MARCHF1: variants seen among roughly 807,000 people sequenced by gnomAD.
MARCHF1 encodes the protein E3 ubiquitin-protein ligase MARCHF1.
In MARCHF1, 40 loss-of-function variants were observed where a neutral mutation model predicts 54.2. That is an observed-to-expected ratio of 0.74 (90% CI 0.57 to 0.96). The LOEUF is 0.96. Ranked by LOEUF, MARCHF1 falls within the 40% of genes least tolerant of loss-of-function variation. The probability of loss-of-function intolerance (pLI) is 0.00; values close to 1 mark genes in which losing one functional copy is unlikely to be tolerated. For missense variants in MARCHF1, 586 were observed against 656.5 expected (o/e 0.89, Z 1.17); for synonymous variants, 236 against 236.3 (o/e 1.00, Z 0.01).
chr4:163,592,380 A>C (rs948136864), intron 7 of MARCHF1, among the ~76,000 whole-genome samples: 12 of 152,182 alleles, frequency 7.9e-5, no homozygotes, highest in Admixed American at 7.2e-4. Context: ...GTCACCACTG[A>C]CTTGGTCAAA....
At chr4:164,122,248 TAGCC>T (rs1480482094) in intron 1 of MARCHF1, among the ~76,000 whole-genome samples, 3 of 152,132 alleles carry the variant, frequency 2.0e-5, no homozygotes, top group African/African-American at 7.2e-5. Flanking sequence ...AACATTTACT[TAGCC>T]AGATAGTGAG....
intron 2 of MARCHF1, among the ~76,000 whole-genome samples, chr4:164,096,336 A>G (rs780249133): frequency 1.3e-5 from 2 of 152,112 alleles, no homozygotes; most frequent in Non-Finnish European, 2.9e-5. Flanking sequence ...AATATTGCAC[A>G]TTCCCACTTA....
chr4:164,027,654 A>G (rs1334287791), intron 2 of MARCHF1, among the ~76,000 whole-genome samples: 1 of 152,140 alleles, frequency 6.6e-6, no homozygotes, highest in Non-Finnish European at 1.5e-5. Flanking sequence ...ATCCTAGAAG[A>G]AAACCTAGGA....
intron 1 of MARCHF1, among the ~76,000 whole-genome samples, chr4:164,316,348 G>A (rs1181302464): frequency 6.6e-6 from 1 of 152,136 alleles, no homozygotes; most frequent in African/African-American, 2.4e-5. Flanking sequence ...AGCAATGAAA[G>A]GCAGATTCTG....
At chr4:163,747,569 G>A (rs988624946) in intron 4 of MARCHF1, among the ~76,000 whole-genome samples, 3 of 152,090 alleles carry the variant, frequency 2.0e-5, no homozygotes, top group Non-Finnish European at 4.4e-5. Flanking sequence ...CATAAATGAC[G>A]GGATTGAATA....
intron 2 of MARCHF1, among the ~76,000 whole-genome samples, chr4:164,010,823 A>G (rs1165946918): frequency 6.6e-6 from 1 of 152,188 alleles, no homozygotes; most frequent in East Asian, 1.9e-4. Context: ...CCAGAGCAAA[A>G]ATAACAAACT....
rs77283761 is a variant in MARCHF1, at chr4:163,603,718, C to T, written c.1010+8553G>A. On this transcript the variant is annotated intron_variant, in intron 7 of 9. Transcript: ENST00000514618. Reference sequence around the variant, plus strand: ...AATGGAAACTTTTAAAATCTGTAGACCTGCACATATCCACATTTATCATTT... The same window carrying T: ...AATGGAAACTTTTAAAATCTGTAGATCTGCACATATCCACATTTATCATTT... Among the ~76,000 whole-genome samples, 385 of 152,152 alleles carry T rather than the reference C, an allele frequency of 2.5e-3. 2 individuals are homozygous for T. Among genetic ancestry groups the T allele is most frequent in the Non-Finnish European group, 4.0e-3 (273 of 67,986 alleles).
intron 1 of MARCHF1, among the ~76,000 whole-genome samples, chr4:164,138,876 G>GA (rs1457342329): frequency 6.6e-6 from 1 of 151,548 alleles, no homozygotes; most frequent in East Asian, 1.9e-4. Context: ...ATTTGATTTT[G>GA]AAAAAAAAGT....
At chr4:163,699,473 T>A (rs1384583848) in intron 5 of MARCHF1, among the ~76,000 whole-genome samples, 1 of 152,204 alleles carries the variant, frequency 6.6e-6, no homozygotes, top group African/African-American at 2.4e-5. Context: ...ATAATGTTGA[T>A]ACTGTGGTCA....
intron 1 of MARCHF1, among the ~76,000 whole-genome samples, chr4:164,282,418 G>C (rs757983568): frequency 6.6e-6 from 1 of 150,822 alleles, no homozygotes; most frequent in Admixed American, 6.7e-5. Flanking sequence ...CCACTGGCAT[G>C]ATCAAACCAG....
At chr4:163,592,122 GAA>G (rs1320262766) in intron 7 of MARCHF1, among the ~76,000 whole-genome samples, 1 of 152,010 alleles carries the variant, frequency 6.6e-6, no homozygotes, top group Non-Finnish European at 1.5e-5. Flanking sequence ...AAAATACCTT[GAA>G]AACTCAAGTT....
intron 4 of MARCHF1, among the ~76,000 whole-genome samples, chr4:163,841,566 A>G (rs1749340337): frequency 6.6e-6 from 1 of 152,124 alleles, no homozygotes; most frequent in Non-Finnish European, 1.5e-5. Flanking sequence ...ATATAGTTGC[A>G]TTAATTTTTG....
chr4:164,362,991 T>A (rs944431464), intron 1 of MARCHF1, among the ~76,000 whole-genome samples: 1 of 152,142 alleles, frequency 6.6e-6, no homozygotes, highest in Admixed American at 6.6e-5. Flanking sequence ...GTTGCATACA[T>A]AATTGCTGTA....
intron 1 of MARCHF1, among the ~76,000 whole-genome samples, chr4:164,144,313 A>C (rs1332949077): frequency 6.6e-6 from 1 of 151,864 alleles, no homozygotes; most frequent in Admixed American, 6.5e-5. Flanking sequence ...GCTCTGCACC[A>C]AGGGGACCTA....
At chr4:163,735,872 GT>G (rs1333757012) in intron 4 of MARCHF1, among the ~76,000 whole-genome samples, 3 of 152,044 alleles carry the variant, frequency 2.0e-5, no homozygotes, top group African/African-American at 7.2e-5. Context: ...TGGTACAGTG[GT>G]CCCCCCTTCA....
intron 4 of MARCHF1, among the ~76,000 whole-genome samples, chr4:163,750,286 C>A (rs911753018): frequency 6.6e-6 from 1 of 151,750 alleles, no homozygotes; most frequent in Non-Finnish European, 1.5e-5. Context: ...CCGAGGCGGG[C>A]GGATCATGAG....
intron 3 of MARCHF1, among the ~76,000 whole-genome samples, chr4:163,876,892 G>T (rs1579358993): frequency 1.3e-5 from 2 of 152,220 alleles, no homozygotes; most frequent in East Asian, 3.9e-4. Flanking sequence ...ATTGGTAGTT[G>T]AGAAGGCTAT....
intron 8 of MARCHF1, among the ~76,000 whole-genome samples, chr4:163,565,493 A>C (rs1739616509): frequency 6.6e-6 from 1 of 152,230 alleles, no homozygotes; most frequent in South Asian, 2.1e-4. Flanking sequence ...TTATGTCAAG[A>C]TTGCAAACAA....
At chr4:163,894,566 T>TATATGC (rs376015848) in intron 3 of MARCHF1, among the ~76,000 whole-genome samples, 1 of 76,626 alleles carries the variant, frequency 1.3e-5, no homozygotes, top group East Asian at 5.5e-4. Flanking sequence ...CATGCATATA[T>TATATGC]ATATATGCAT....
Sources: allele counts gnomAD v4.1 joint callset (sites outside exome capture counted in the v4.1 genomes callset), GRCh38; gene constraint gnomAD v4.1.1; transcripts MANE v1.5; gene names NCBI Gene and HGNC (gene_info 2026-07-23, HGNC 2026-07-21).